The following HSD17B4 variants were observed in gnomAD, a reference collection of about 807,000 sequenced individuals.
HSD17B4 encodes peroxisomal multifunctional enzyme type 2.
Under a neutral mutation model 101.0 loss-of-function variants are expected in HSD17B4, and 70 were observed. The observed-to-expected ratio is 0.69, with a 90% CI of 0.57 to 0.85. The LOEUF is 0.85. Ranked by LOEUF, HSD17B4 falls within the 40% of genes least tolerant of loss-of-function variation. HSD17B4 has a pLI of 0.00. For missense variants in HSD17B4, 984 were observed against 892.4 expected, an observed-to-expected ratio of 1.10 and a Z score of -1.31; for synonymous variants, 347 against 297.1, an observed-to-expected ratio of 1.17 and a Z score of -1.73.
At chr5:119,537,323 A>G (rs1316082955) in intron 23 of HSD17B4, among the ~76,000 whole-genome samples, 2 of 152,152 alleles carry the variant, frequency 1.3e-5, no homozygotes, top group African/African-American at 2.4e-5. Context: ...CTAAATTTGA[A>G]TCTTGCCCCT....
At chr5:119,461,144 T>C (rs562847659) in intron 2 of HSD17B4, among the ~76,000 whole-genome samples, 13 of 152,308 alleles carry the variant, frequency 8.5e-5, no homozygotes, top group South Asian at 2.1e-4. Context: ...TCAAGTAATA[T>C]TGATGCTCAG....
At chr5:119,475,644 G>T in intron 4 of HSD17B4, 62 bp from the exon 5 acceptor site, 1 of 1,302,936 alleles carries the variant, frequency 7.7e-7, no homozygotes, top group Non-Finnish European at 1.1e-6. Flanking sequence ...AATGTGAGTT[G>T]TAAGCAAATG....
In HSD17B4 at chr5:119,529,847, T is replaced by C. The variant is rs774679899; in HGVS notation, c.1768-47T>C. On this transcript the variant is annotated intron_variant, in intron 20 of 23. Transcript: ENST00000510025. ...GTACTGTTTCACAGTGAAATTACACTTCCATTGTAATCAGAATAAATCTTT... is the reference window on the plus strand; with the variant it reads ...GTACTGTTTCACAGTGAAATTACACCTCCATTGTAATCAGAATAAATCTTT... 3 of 1,108,644 alleles carry C rather than the reference T, an allele frequency of 2.7e-6. No homozygotes were observed. The African/African-American group carries it at 4.6e-5, about 17-fold the overall frequency. 68.7% of individuals were successfully genotyped at this position (1,108,644 alleles called of 1,614,324 possible).
At chr5:119,503,755 T>G (rs1265934231) in intron 14 of HSD17B4, among the ~76,000 whole-genome samples, 3 of 151,920 alleles carry the variant, frequency 2.0e-5, no homozygotes, top group South Asian at 2.1e-4. Flanking sequence ...TTTTTTTTTT[T>G]GGTTTTATAT....
chr5:119,453,171 C>G (rs1298285126), intron 1 of HSD17B4, among the ~76,000 whole-genome samples: 1 of 152,186 alleles, frequency 6.6e-6, no homozygotes, highest in East Asian at 1.9e-4. Flanking sequence ...GAGCCCTTCC[C>G]CGTTGGAGTT....
intron 23 of HSD17B4, among the ~76,000 whole-genome samples, chr5:119,537,495 A>G (rs1410763072): frequency 2.0e-5 from 3 of 152,156 alleles, no homozygotes; most frequent in Non-Finnish European, 4.4e-5. Flanking sequence ...CTTTCCAGGA[A>G]TTTATTTAGT....
At chr5:119,517,192 A>G (rs1427407014) in intron 17 of HSD17B4, among the ~76,000 whole-genome samples, 1 of 152,124 alleles carries the variant, frequency 6.6e-6, no homozygotes, top group Non-Finnish European at 1.5e-5. Flanking sequence ...CGGGCCCGGC[A>G]CTCAGAGCAG....
intron 2 of HSD17B4, among the ~76,000 whole-genome samples, chr5:119,468,817 T>C (rs1756065385): frequency 6.6e-6 from 1 of 152,002 alleles, no homozygotes; most frequent in East Asian, 1.9e-4. Flanking sequence ...TCCTTTTTTT[T>C]TTTGTCTGAC....
At chr5:119,525,890 C>G in intron 18 of HSD17B4, 27 bp from the exon 19 acceptor site, 1 of 1,308,626 alleles carries the variant, frequency 7.6e-7, no homozygotes, top group Non-Finnish European at 1.1e-6. Context: ...GTACCTGTAT[C>G]TAACTCAGTG....
chr5:119,487,750 G>T (rs1169970703), intron 8 of HSD17B4, among the ~76,000 whole-genome samples: 1 of 152,032 alleles, frequency 6.6e-6, no homozygotes, highest in African/African-American at 2.4e-5. Context: ...CCAAATCCCT[G>T]TACATAAATA....
intron 11 of HSD17B4, among the ~76,000 whole-genome samples, chr5:119,494,311 C>CCTTT (rs138033527): frequency 3.4e-5 from 5 of 148,590 alleles, no homozygotes; most frequent in South Asian, 2.1e-4. Context: ...TCTCTTTCTT[C>CCTTT]CTTTCTTTCT....
Position 119,481,304 on chromosome 5 carries a change from T to C in HSD17B4, c.622+2283T>C, listed in dbSNP as rs184412836. Reference sequence around the variant, plus strand: ...AAAATCTTCACAATTCACGTTCTTCTGCCATGGTTTCAGCCGGTCTCTCTG... The same window carrying C: ...AAAATCTTCACAATTCACGTTCTTCCGCCATGGTTTCAGCCGGTCTCTCTG... On this transcript the variant is annotated intron_variant, in intron 8 of 23. Transcript: ENST00000510025. Among the ~76,000 whole-genome samples, 3 of 152,334 alleles carry C rather than the reference T, an allele frequency of 2.0e-5. No individual in the cohort carries two copies. The East Asian group carries it at 5.8e-4, about 29-fold the overall frequency.
intron 1 of HSD17B4, among the ~76,000 whole-genome samples, chr5:119,454,238 A>G (rs1754365940): frequency 6.6e-6 from 1 of 152,238 alleles, no homozygotes; most frequent in Non-Finnish European, 1.5e-5. Context: ...GTGACTAGAC[A>G]GTTATGAACT....
chr5:119,530,864 C>CAAA (rs1450884242), intron 21 of HSD17B4, among the ~76,000 whole-genome samples: 2 of 100,612 alleles, frequency 2.0e-5, no homozygotes, highest in Non-Finnish European at 3.9e-5. Flanking sequence ...AAAAAAAAAA[C>CAAA]AAAAAACAAA....
intron 8 of HSD17B4, chr5:119,487,261 G>C (rs1260012447): frequency 1.8e-5 from 2 of 111,312 alleles, no homozygotes; most frequent in South Asian, 6.0e-4. Context: ...TTTTTTTTCT[G>C]GTTGGAGGAT....
chr5:119,490,769 T>C (rs1054597855), intron 9 of HSD17B4, among the ~76,000 whole-genome samples: 1 of 152,110 alleles, frequency 6.6e-6, no homozygotes, highest in Non-Finnish European at 1.5e-5. Context: ...GGTTTCACCA[T>C]GTTGGTCAGG....
chr5:119,476,063 T>A (rs1019046707), intron 6 of HSD17B4, among the ~76,000 whole-genome samples, 193 bp downstream of exon 6: 2 of 152,212 alleles, frequency 1.3e-5, no homozygotes, highest in African/African-American at 4.8e-5. Context: ...TTAATACTTT[T>A]AAAAAATGTT....
intron 8 of HSD17B4, among the ~76,000 whole-genome samples, chr5:119,486,544 C>T (rs1056952489): frequency 2.0e-5 from 3 of 152,014 alleles, no homozygotes; most frequent in Admixed American, 6.6e-5. Context: ...ATCTTTATGA[C>T]ATTTGTCATT....
At chr5:119,457,984 A>G (rs567140553) in intron 2 of HSD17B4, among the ~76,000 whole-genome samples, 69 of 152,220 alleles carry the variant, frequency 4.5e-4, no homozygotes, top group Middle Eastern at 3.4e-3. Context: ...CTGTGCATCA[A>G]TTTTCCTTTA....
Sources: allele counts gnomAD v4.1 joint callset (sites outside exome capture counted in the v4.1 genomes callset), GRCh38; gene constraint gnomAD v4.1.1; transcripts MANE v1.5; gene names NCBI Gene and HGNC (gene_info 2026-07-23, HGNC 2026-07-21).